The following FSTL5 variants were observed in gnomAD, a reference collection of about 807,000 sequenced individuals.
FSTL5 encodes follistatin-related protein 5.
Under a neutral mutation model 89.1 loss-of-function variants are expected in FSTL5, and 62 were observed. The ratio of observed to expected loss-of-function variants is 0.70; its 90% confidence interval spans 0.57 to 0.86. The LOEUF (loss-of-function observed/expected upper bound fraction) is 0.86. Among genes scored for constraint, FSTL5 ranks in the 40% least tolerant of loss-of-function variants. The pLI is 0.00. For missense variants in FSTL5, 1,057 were observed against 1,001.6 expected (o/e 1.06, Z -0.75); for synonymous variants, 383 against 346.2 (o/e 1.11, Z -1.18).
chr4:161,784,899 AAC>A (rs1491018794), intron 4 of FSTL5, among the ~76,000 whole-genome samples: 1 of 148,218 alleles, frequency 6.7e-6, no homozygotes, highest in East Asian at 2.0e-4. Flanking sequence ...TCTCAAAAAA[AAC>A]AAAAACAAAC....
chr4:161,865,649 C>G (rs1560888929), intron 4 of FSTL5, among the ~76,000 whole-genome samples: 1 of 152,040 alleles, frequency 6.6e-6, no homozygotes, highest in Non-Finnish European at 1.5e-5. Context: ...CAGGATATTT[C>G]CATAACCTTT....
intron 4 of FSTL5, among the ~76,000 whole-genome samples, chr4:161,812,515 A>C (rs1046354131): frequency 2.4e-3 from 31 of 13,162 alleles, no homozygotes; most frequent in Admixed American, 8.9e-3. Flanking sequence ...GTAGTTAAGA[A>C]AAACACACAC....
At chr4:162,144,678 C>G (rs537908909) in intron 1 of FSTL5, among the ~76,000 whole-genome samples, 2 of 151,828 alleles carry the variant, frequency 1.3e-5, no homozygotes, top group Admixed American at 6.6e-5. Flanking sequence ...TAATGATCCA[C>G]AAAAAAGTGA....
At chr4:162,142,828 A>T (rs1440783351) in intron 1 of FSTL5, among the ~76,000 whole-genome samples, 4 of 152,186 alleles carry the variant, frequency 2.6e-5, no homozygotes, top group African/African-American at 7.2e-5. Context: ...ACTTTAGTCA[A>T]ATTATTTAGT....
chr4:161,399,470 G>A (rs931857324), intron 15 of FSTL5, among the ~76,000 whole-genome samples: 1 of 152,004 alleles, frequency 6.6e-6, no homozygotes, highest in Non-Finnish European at 1.5e-5. Context: ...CCATAAGTTT[G>A]CATCATCTGT....
At chr4:161,769,265 G>T (rs1311002544) in intron 5 of FSTL5, among the ~76,000 whole-genome samples, 2 of 151,812 alleles carry the variant, frequency 1.3e-5, no homozygotes, top group African/African-American at 4.8e-5. Flanking sequence ...AACATTTAAA[G>T]AACTAATACT....
In FSTL5 at chr4:161,641,555, G is replaced by A. The variant is rs148502603; in HGVS notation, c.894+14773C>T. 5.9e-3 allele frequency among the ~76,000 whole-genome samples: 882 copies of A among 149,900 alleles called. 12 individuals are homozygous for A. Among genetic ancestry groups the A allele is most frequent in the South Asian group, 0.046 (218 of 4,748 alleles). On this transcript the variant is annotated intron_variant, in intron 7 of 15. Coordinates refer to ENST00000306100, the MANE Select transcript of FSTL5 (RefSeq NM_020116.5). ...TTGCCAGCCTGGAGTGCAGTGGCGCGATCTCGGCTCACTGTAACCTCCACC... is the reference window on the plus strand; with the variant it reads ...TTGCCAGCCTGGAGTGCAGTGGCGCAATCTCGGCTCACTGTAACCTCCACC...
At chr4:161,746,482 T>C (rs1740207897) in intron 6 of FSTL5, among the ~76,000 whole-genome samples, 1 of 152,088 alleles carries the variant, frequency 6.6e-6, no homozygotes, top group Non-Finnish European at 1.5e-5. Flanking sequence ...TGGTAATGGG[T>C]TGGGGTAAGG....
rs186106547 is a variant in FSTL5, at chr4:161,984,001, T to C, written c.160+49624A>G. On this transcript the variant is annotated intron_variant, in intron 3 of 15. Coordinates refer to ENST00000306100, the MANE Select transcript of FSTL5 (RefSeq NM_020116.5). The stretch of plus-strand genomic sequence containing the variant: ...AATTTTATACAAAATTTCTCTCTTC[T>C]ATTATCTTTTACTTTTATTGAAGAC... Among the ~76,000 whole-genome samples the C allele has an allele frequency of 2.2e-3, 340 of 152,220 alleles. 1 individual carries two copies. The highest frequency in any genetic ancestry group is 7.7e-3 in the African/African-American group (319 of 41,586).
intron 4 of FSTL5, among the ~76,000 whole-genome samples, chr4:161,851,160 C>A (rs1182759090): frequency 6.6e-6 from 1 of 152,128 alleles, no homozygotes; most frequent in Non-Finnish European, 1.5e-5. Flanking sequence ...TTACACATGA[C>A]AAAGTTTAGA....
At chr4:161,690,670 A>C (rs1256890832) in intron 6 of FSTL5, among the ~76,000 whole-genome samples, 1 of 151,966 alleles carries the variant, frequency 6.6e-6, no homozygotes, top group Non-Finnish European at 1.5e-5. Context: ...CTTTTATTTT[A>C]AGTTCAGGGG....
chr4:161,957,256 A>G (rs1735050042), intron 3 of FSTL5, among the ~76,000 whole-genome samples: 1 of 152,042 alleles, frequency 6.6e-6, no homozygotes, highest in Admixed American at 6.6e-5. Flanking sequence ...ACATAAAAGT[A>G]CATACCAATT....
intron 4 of FSTL5, among the ~76,000 whole-genome samples, chr4:161,821,141 G>C (rs560827466): frequency 2.4e-4 from 37 of 152,062 alleles, no homozygotes; most frequent in Non-Finnish European, 4.7e-4. Context: ...TAGCTCAGGT[G>C]ATCCTCCCAC....
intron 11 of FSTL5, among the ~76,000 whole-genome samples, chr4:161,503,248 C>CT (rs34453353): frequency 0.017 from 2,598 of 151,670 alleles, 68 homozygotes; most frequent in African/African-American, 0.059. Context: ...AAATGGTAAC[C>CT]TATTTATTTA....
intron 1 of FSTL5, among the ~76,000 whole-genome samples, chr4:162,147,306 C>G (rs75467326): frequency 0.14 from 20,934 of 151,892 alleles, 1,960 homozygotes; most frequent in Non-Finnish European, 0.19. Flanking sequence ...ATAGTTTCTC[C>G]TATTTCTCTT....
At chr4:161,935,518 G>T (rs1026481022) in intron 3 of FSTL5, among the ~76,000 whole-genome samples, 2 of 152,066 alleles carry the variant, frequency 1.3e-5, no homozygotes, top group Non-Finnish European at 2.9e-5. Flanking sequence ...AAATTTGATT[G>T]ACATTTAGTG....
chr4:161,468,401 A>G (rs1297046026), intron 13 of FSTL5, among the ~76,000 whole-genome samples: 1 of 152,112 alleles, frequency 6.6e-6, no homozygotes, highest in Non-Finnish European at 1.5e-5. Context: ...TGTCTTTGAT[A>G]GTAGGATATC....
chr4:162,046,642 T>A (rs1293784323), intron 2 of FSTL5, among the ~76,000 whole-genome samples: 3 of 152,096 alleles, frequency 2.0e-5, no homozygotes, highest in African/African-American at 7.2e-5. Flanking sequence ...ACATGCCAAT[T>A]ATTATAACAG....
chr4:161,613,846 G>C (rs1734743462), intron 7 of FSTL5, among the ~76,000 whole-genome samples: 1 of 152,058 alleles, frequency 6.6e-6, no homozygotes, highest in South Asian at 2.1e-4. Flanking sequence ...AGTCATGTTT[G>C]ACATTTATTT....
Sources: allele counts gnomAD v4.1 joint callset (sites outside exome capture counted in the v4.1 genomes callset), GRCh38; gene constraint gnomAD v4.1.1; transcripts MANE v1.5; gene names NCBI Gene and HGNC (gene_info 2026-07-23, HGNC 2026-07-21).